SPATS2: variants seen among roughly 807,000 people sequenced by gnomAD.
SPATS2 encodes the protein spermatogenesis associated serine rich 2.
SPATS2 carries 38 observed loss-of-function variants against 63.7 expected under a neutral mutation model. The ratio of observed to expected loss-of-function variants is 0.60; its 90% CI spans 0.46 to 0.78. The LOEUF (loss-of-function observed/expected upper bound fraction) is 0.78, where lower values mean the gene tolerates loss of function less well. Among genes scored for constraint, SPATS2 ranks in the 30% least tolerant of loss-of-function variants. The pLI, the probability that SPATS2 is intolerant of heterozygous loss-of-function variation, is 0.00. For missense variants in SPATS2, 588 were observed against 666.2 expected (o/e 0.88, Z 1.29); for synonymous variants, 207 against 232.9 (o/e 0.89, Z 1.01).
rs796415503 is a variant in SPATS2, at chr12:49,526,799, T to G, written c.*544T>G. On this transcript the variant is annotated 3_prime_UTR_variant, in exon 14 of 14. Transcript: ENST00000552918. The stretch of plus-strand genomic sequence containing the variant: ...ATGTGCTGGAGATTTGACACTCAAA[T>G]CAGTGTTTAGTCTTCTGCTTGGCAC... The G allele has an allele frequency of 1.2e-4, 18 of 153,640 alleles. No individual in the cohort carries two copies. The highest frequency in any genetic ancestry group is 4.3e-4 in the African/African-American group (18 of 41,440). The allele number at this position is 153,640 out of a possible 1,614,324, so 9.5% of individuals were successfully genotyped here.
At chr12:49,423,771 A>G (rs1209312244) in intron 2 of SPATS2, among the ~76,000 whole-genome samples, 2 of 152,252 alleles carry the variant, frequency 1.3e-5, no homozygotes, top group African/African-American at 4.8e-5. Context: ...GTTGTTGTGT[A>G]ACATGAATTT....
intron 2 of SPATS2, among the ~76,000 whole-genome samples, chr12:49,381,356 A>G (rs1164913873): frequency 6.6e-6 from 1 of 152,176 alleles, no homozygotes; most frequent in African/African-American, 2.4e-5. Flanking sequence ...TTTTTGCCAC[A>G]TGTGGCCTGA....
intron 11 of SPATS2, among the ~76,000 whole-genome samples, chr12:49,522,090 G>A (rs1490886647): frequency 6.6e-6 from 1 of 151,786 alleles, no homozygotes; most frequent in Non-Finnish European, 1.5e-5. Context: ...ACCCCCAGAA[G>A]CACTTTATTC....
intron 2 of SPATS2, among the ~76,000 whole-genome samples, chr12:49,402,242 G>C (rs1044027379): frequency 1.3e-5 from 2 of 152,232 alleles, no homozygotes; most frequent in Non-Finnish European, 2.9e-5. Flanking sequence ...TGCCAGGCAG[G>C]TATGATGAAA....
intron 5 of SPATS2, among the ~76,000 whole-genome samples, chr12:49,489,846 A>T (rs1473264549): frequency 6.6e-6 from 1 of 152,190 alleles, no homozygotes; most frequent in Admixed American, 6.5e-5. Context: ...GGTATAAGGG[A>T]CTTGATTGGA....
At chr12:49,376,464 A>G (rs574941013) in intron 2 of SPATS2, among the ~76,000 whole-genome samples, 3 of 151,718 alleles carry the variant, frequency 2.0e-5, no homozygotes, top group South Asian at 2.1e-4. Context: ...TGATGTGATC[A>G]TGGCTCATTG....
chr12:49,484,627 C>T lies in SPATS2; in HGVS notation c.63C>T (p.Thr21=), dbSNP rs530661051. 1.9e-5 allele frequency: 30 copies of T among 1,613,818 alleles called. No homozygotes were observed. Among genetic ancestry groups the T allele is most frequent in the Admixed American group, 5.0e-5 (3 of 59,996 alleles). ...SGFIFDLQSN[T]VLAQGGAFEN... The stretch of plus-strand genomic sequence containing the variant: ...TCATTTTTGATTTGCAGTCCAATAC[C>T]GTACTGGCCCAGGGAGGAGCTTTTG... Residue 21 remains threonine, a synonymous_variant, in exon 4 of 14, where the codon ACC becomes ACT. Transcript: ENST00000552918.
intron 8 of SPATS2, 71 bp downstream of exon 8, chr12:49,497,080 CTG>C: frequency 1.4e-6 from 2 of 1,415,508 alleles, no homozygotes; most frequent in Non-Finnish European, 1.9e-6. Context: ...CAAATTATCT[CTG>C]TTGCCATAAA....
chr12:49,510,338 G>GA (rs1946730712), intron 9 of SPATS2, among the ~76,000 whole-genome samples: 2 of 151,542 alleles, frequency 1.3e-5, no homozygotes, highest in Non-Finnish European at 2.9e-5. Context: ...GATGTGGATG[G>GA]ATCGCTTGAG....
In SPATS2 at chr12:49,512,070, G is replaced by GCCA. The variant is rs534448996; in HGVS notation, c.840-2484_840-2482dup. ...GGTCATTCTTCTATACAACTATAAT[G>GCCA]CCATTATATAATTTACTTTTTTGAT... On this transcript the variant is annotated intron_variant, in intron 9 of 13. Coordinates refer to ENST00000552918, the MANE Select transcript of SPATS2 (RefSeq NM_023071.4). Among the ~76,000 whole-genome samples, 608 of 152,210 alleles carry GCCA rather than the reference G, an allele frequency of 4.0e-3. 1 individual carries two copies. The highest frequency in any genetic ancestry group is 6.5e-3 in the Non-Finnish European group (441 of 68,018).
At position 49,401,200 on chromosome 12, in the gene SPATS2, A is replaced by G. The variant is rs139747355; in HGVS notation, c.-244+29910A>G. Among the ~76,000 whole-genome samples, 79 of 152,202 alleles carry G rather than the reference A, an allele frequency of 5.2e-4. No individual in the cohort carries two copies. The East Asian group carries it at 7.3e-3, about 14-fold the overall frequency. On this transcript the variant is annotated intron_variant, in intron 2 of 13. Coordinates refer to ENST00000552918, the MANE Select transcript of SPATS2 (RefSeq NM_023071.4). ...TAATTTTAAAATTTTTTGTAGAGAC[A>G]AGGTCTCCCTATGTTGACCAGGCTG...
intron 2 of SPATS2, among the ~76,000 whole-genome samples, chr12:49,409,964 ATCT>A (rs898797155): frequency 2.6e-5 from 4 of 152,138 alleles, no homozygotes; most frequent in Admixed American, 2.0e-4. Flanking sequence ...GGAATCTTAA[ATCT>A]TCTTGTTGGA....
intron 2 of SPATS2, among the ~76,000 whole-genome samples, chr12:49,422,417 T>C (rs1365921242): frequency 6.6e-6 from 1 of 152,224 alleles, no homozygotes; most frequent in Non-Finnish European, 1.5e-5. Flanking sequence ...TGCTTTTTTT[T>C]CCTTCTGTTT....
intron 9 of SPATS2, among the ~76,000 whole-genome samples, chr12:49,509,453 G>A (rs1371214219): frequency 2.0e-5 from 3 of 151,748 alleles, no homozygotes. Context: ...ACTTCTAGTA[G>A]AGACAGGGTT....
At chr12:49,425,950 AC>A in intron 2 of SPATS2, among the ~76,000 whole-genome samples, 1 of 152,178 alleles carries the variant, frequency 6.6e-6, no homozygotes, top group East Asian at 1.9e-4. Flanking sequence ...ATATTTCATG[AC>A]AATTATGTAA....
intron 2 of SPATS2, among the ~76,000 whole-genome samples, chr12:49,455,569 G>A (rs1945705429): frequency 6.6e-6 from 1 of 151,956 alleles, no homozygotes; most frequent in Non-Finnish European, 1.5e-5. Context: ...TACCATCCCT[G>A]GCTAATTTTT....
intron 2 of SPATS2, among the ~76,000 whole-genome samples, chr12:49,425,042 A>C (rs1231902589): frequency 6.6e-6 from 1 of 152,216 alleles, no homozygotes; most frequent in Admixed American, 6.5e-5. Context: ...TGATGTATTT[A>C]GTATGAGTTT....
At chr12:49,511,807 A>C (rs1235630744) in intron 9 of SPATS2, among the ~76,000 whole-genome samples, 3 of 152,202 alleles carry the variant, frequency 2.0e-5, no homozygotes, top group Non-Finnish European at 2.9e-5. Context: ...TGTTATCCTT[A>C]CACCTAACCT....
intron 2 of SPATS2, among the ~76,000 whole-genome samples, chr12:49,405,551 T>C (rs1299562892): frequency 2.0e-5 from 3 of 151,976 alleles, no homozygotes; most frequent in Non-Finnish European, 2.9e-5. Flanking sequence ...ATACAAAAAT[T>C]AGCTGGGCGT....
Sources: allele counts gnomAD v4.1 joint callset (sites outside exome capture counted in the v4.1 genomes callset), GRCh38; gene constraint gnomAD v4.1.1; transcripts MANE v1.5; gene names NCBI Gene and HGNC (gene_info 2026-07-23, HGNC 2026-07-21).